FBXW7: variants seen among roughly 807,000 people sequenced by gnomAD.
FBXW7 encodes F-box and WD repeat domain containing 7.
In FBXW7, 11 loss-of-function variants were observed where a neutral mutation model predicts 86.3. The observed-to-expected ratio is 0.13, with a 90% CI of 0.08 to 0.21. FBXW7 has a LOEUF of 0.21. Among genes scored for constraint, FBXW7 ranks in the 10% least tolerant of loss-of-function variants. FBXW7 has a pLI of 1.00. For synonymous variants in FBXW7, 313 were observed against 297.9 expected (o/e 1.05, Z -0.52); for missense variants, 488 against 847.4 (o/e 0.58, Z 5.27).
At chr4:152,423,333 C>T (rs1739108214) in intron 2 of FBXW7, among the ~76,000 whole-genome samples, 1 of 152,166 alleles carries the variant, frequency 6.6e-6, no homozygotes, top group African/African-American at 2.4e-5. Context: ...GTTGGTAATG[C>T]TGTATTACAT....
At chr4:152,382,284 G>C (rs1267016242) in intron 4 of FBXW7, 1 of 1,602,280 alleles carries the variant, frequency 6.2e-7, no homozygotes, top group Non-Finnish European at 8.5e-7. Flanking sequence ...GCACTTTTAA[G>C]ATCAACAGGA....
intron 2 of FBXW7, among the ~76,000 whole-genome samples, chr4:152,432,521 T>G (rs753261790): frequency 2.6e-5 from 4 of 152,102 alleles, no homozygotes; most frequent in Admixed American, 2.6e-4. Flanking sequence ...ACACAGAATA[T>G]TTCAGCCAGG....
intron 2 of FBXW7, among the ~76,000 whole-genome samples, chr4:152,507,121 A>C (rs1280482903): frequency 1.3e-5 from 2 of 152,246 alleles, no homozygotes; most frequent in Non-Finnish European, 2.9e-5. Flanking sequence ...CATGTATTAG[A>C]AATTAAATGA....
chr4:152,445,907 C>CT (rs1741331871), intron 2 of FBXW7, among the ~76,000 whole-genome samples: 4 of 80,702 alleles, frequency 5.0e-5, no homozygotes, highest in Admixed American at 3.2e-4. Context: ...AAGACTCTGT[C>CT]TTTAAAAAAA....
chr4:152,438,181 A>ATAAATAGTAAAGT (rs1490213500), intron 2 of FBXW7, among the ~76,000 whole-genome samples: 1 of 152,184 alleles, frequency 6.6e-6, no homozygotes, highest in Non-Finnish European at 1.5e-5. Flanking sequence ...CAATAAATAA[A>ATAAATAGTAAAGT]TAAATAGTAA....
At chr4:152,474,800 G>T (rs1744249658) in intron 2 of FBXW7, among the ~76,000 whole-genome samples, 1 of 152,050 alleles carries the variant, frequency 6.6e-6, no homozygotes, top group Non-Finnish European at 1.5e-5. Flanking sequence ...CAAGTAGCTG[G>T]GACTACAGGC....
chr4:152,333,960 A>G (rs1401886095), intron 7 of FBXW7, among the ~76,000 whole-genome samples: 2 of 152,260 alleles, frequency 1.3e-5, no homozygotes, highest in African/African-American at 4.8e-5. Flanking sequence ...AGGCTGAGGC[A>G]TAAGAAACAC....
chr4:152,500,088 T>C (rs907562061), intron 2 of FBXW7, among the ~76,000 whole-genome samples: 1 of 152,198 alleles, frequency 6.6e-6, no homozygotes, highest in Non-Finnish European at 1.5e-5. Context: ...TTTTCATATA[T>C]GCTGGCACTG....
At chr4:152,498,844 C>T (rs182881408) in intron 2 of FBXW7, among the ~76,000 whole-genome samples, 1 of 151,860 alleles carries the variant, frequency 6.6e-6, no homozygotes, top group South Asian at 2.1e-4. Flanking sequence ...AAAATGACAG[C>T]AAAGGATTGC....
chr4:152,410,736 T>C (rs187449816), intron 4 of FBXW7, among the ~76,000 whole-genome samples: 177 of 152,288 alleles, frequency 1.2e-3, no homozygotes, highest in Non-Finnish European at 2.2e-3. Context: ...ACAGACATTA[T>C]GTTAATGTCT....
intron 4 of FBXW7, among the ~76,000 whole-genome samples, chr4:152,367,408 A>C (rs1345708002): frequency 6.6e-6 from 1 of 152,134 alleles, no homozygotes; most frequent in African/African-American, 2.4e-5. Flanking sequence ...AAAATTGCCT[A>C]GCTTTATTTT....
At chr4:152,433,114 TA>T (rs1740064398) in intron 2 of FBXW7, among the ~76,000 whole-genome samples, 1 of 152,238 alleles carries the variant, frequency 6.6e-6, no homozygotes, top group African/African-American at 2.4e-5. Context: ...TACCTCAATT[TA>T]TTTATCACTT....
At chr4:152,501,645 C>G (rs1036870495) in intron 2 of FBXW7, among the ~76,000 whole-genome samples, 5 of 152,130 alleles carry the variant, frequency 3.3e-5, no homozygotes, top group Admixed American at 1.3e-4. Flanking sequence ...TTCCACAATC[C>G]ATGTCAACTG....
At chr4:152,331,496 T>C (rs890226664) in intron 8 of FBXW7, among the ~76,000 whole-genome samples, 1 of 152,064 alleles carries the variant, frequency 6.6e-6, no homozygotes, top group African/African-American at 2.4e-5. Flanking sequence ...ATTTCACTTA[T>C]ATGAGGTACC....
intron 2 of FBXW7, among the ~76,000 whole-genome samples, chr4:152,417,023 G>A (rs1738496349): frequency 6.6e-6 from 1 of 151,940 alleles, no homozygotes; most frequent in African/African-American, 2.4e-5. Context: ...AATTTTCCTT[G>A]GTACATTCCT....
At chr4:152,457,859 G>A (rs1393175482) in intron 2 of FBXW7, among the ~76,000 whole-genome samples, 2 of 151,498 alleles carry the variant, frequency 1.3e-5, no homozygotes, top group African/African-American at 2.4e-5. Context: ...AAGATTTCTG[G>A]ATAGAAGGTA....
At chr4:152,472,641 A>G (rs553189860) in intron 2 of FBXW7, among the ~76,000 whole-genome samples, 7 of 152,188 alleles carry the variant, frequency 4.6e-5, no homozygotes, top group Non-Finnish European at 1.0e-4. Context: ...CTTTCATGTA[A>G]AGGAATATGA....
At chr4:152,353,734 G>T (rs1578969108) in intron 4 of FBXW7, among the ~76,000 whole-genome samples, 1 of 152,194 alleles carries the variant, frequency 6.6e-6, no homozygotes, top group African/African-American at 2.4e-5. Flanking sequence ...AAGTTTGCCA[G>T]AAGGCAACAT....
At chr4:152,340,859 G>C (rs1168752541) in intron 6 of FBXW7, among the ~76,000 whole-genome samples, 1 of 151,996 alleles carries the variant, frequency 6.6e-6, no homozygotes, top group Non-Finnish European at 1.5e-5. Flanking sequence ...CTCCAAATCT[G>C]TATTTCCACA....
Sources: gnomAD v4.1 joint callset for allele counts (sites outside exome capture counted in the v4.1 genomes callset) on GRCh38, gnomAD v4.1.1 for gene constraint, MANE v1.5 for transcripts, NCBI Gene and HGNC (gene_info 2026-07-23, HGNC 2026-07-21) for gene names.